The following VAMP1 variants were observed in gnomAD, a reference collection of about 807,000 sequenced individuals.
The protein encoded by VAMP1 is vesicle-associated membrane protein 1.
In VAMP1, 16 loss-of-function variants were observed where a neutral mutation model predicts 19.1. The ratio of observed to expected loss-of-function variants is 0.84; its 90% CI spans 0.57 to 1.27. The LOEUF (loss-of-function observed/expected upper bound fraction) is 1.27, where lower values mean the gene tolerates loss of function less well. Among genes scored for constraint, VAMP1 ranks in the 50% most tolerant of loss-of-function variants. The probability of loss-of-function intolerance (pLI) is 0.00; values close to 1 mark genes in which losing one functional copy is unlikely to be tolerated. For missense variants in VAMP1, 109 were observed against 145.4 expected, an observed-to-expected ratio of 0.75 and a Z score of 1.29; for synonymous variants, 37 against 50.2, an observed-to-expected ratio of 0.74 and a Z score of 1.11.
intron 4 of VAMP1, 144 bp from the exon 5 acceptor site, chr12:6,464,630 C>T (rs1351657215): frequency 6.9e-7 from 1 of 1,456,030 alleles, no homozygotes; most frequent in Non-Finnish European, 9.0e-7. Flanking sequence ...CAACCCAAGC[C>T]AGTGACACAC....
Position 6,466,634 on chromosome 12 carries a change from G to A in VAMP1, c.3-283C>T, listed in dbSNP as rs1950031723. On this transcript the variant is annotated intron_variant, in intron 1 of 4. Transcript: ENST00000396308. ...TCTTGCTCCTTGGCAATCTGAAGTA[G>A]GGAGACAAACCATAGAGGCAAGAAG... 12 of 267,982 alleles carry A rather than the reference G, an allele frequency of 4.5e-5. No homozygotes were observed. In the South Asian group the frequency reaches 6.1e-4, roughly 14 times the overall value. The allele number at this position is 267,982 out of a possible 1,614,324, so 16.6% of individuals were successfully genotyped here.
Position 6,462,718 on chromosome 12 carries a change from TG to T in VAMP1, c.*1751del. On this transcript the variant is annotated 3_prime_UTR_variant, in exon 5 of 5. Coordinates refer to ENST00000396308, the MANE Select transcript of VAMP1 (RefSeq NM_014231.5). ...CAGGCTTGGGACACATCGAGGACAG[TG>T]GTGGTTCTTCTCCAGCGGTGACCCC... The T allele has an allele frequency of 8.9e-7, 1 of 1,121,978 alleles. No homozygotes were observed. Among genetic ancestry groups the T allele is most frequent in the Non-Finnish European group, 1.3e-6 (1 of 790,082 alleles). The allele number at this position is 1,121,978 out of a possible 1,614,324, so 69.5% of individuals were successfully genotyped here.
At chr12:6,465,259 A>AT in intron 3 of VAMP1, 2 of 443,928 alleles carry the variant, frequency 4.5e-6, no homozygotes, top group Non-Finnish European at 8.8e-6. Flanking sequence ...AATTAGTTCA[A>AT]TTTTCACTGT....
At chr12:6,468,686 C>T (rs1945692712) in intron 1 of VAMP1, among the ~76,000 whole-genome samples, 1 of 152,206 alleles carries the variant, frequency 6.6e-6, no homozygotes, top group African/African-American at 2.4e-5. Flanking sequence ...TTCTCTCATT[C>T]TGTACCACTC....
Position 6,462,521 on chromosome 12 carries a change from AG to A in VAMP1, c.*1948del. 1 of 504,480 alleles carries A rather than the reference AG, an allele frequency of 2.0e-6. No individual in the cohort carries two copies. Among genetic ancestry groups the A allele is most frequent in the Non-Finnish European group, 3.5e-6 (1 of 284,772 alleles). The allele number at this position is 504,480 out of a possible 1,614,324, so 31.3% of individuals were successfully genotyped here. ...TCATGCACATGGGTGGTGGGAGGAA[AG>A]GGGGATAGCAGAGACACACAGAAGA... On this transcript the variant is annotated 3_prime_UTR_variant, in exon 5 of 5. Coordinates refer to ENST00000396308, the MANE Select transcript of VAMP1 (RefSeq NM_014231.5).
intron 2 of VAMP1, 44 bp from the exon 3 acceptor site, chr12:6,466,044 G>A (rs1341834903): frequency 1.4e-5 from 23 of 1,613,130 alleles, no homozygotes; most frequent in Non-Finnish European, 1.9e-5. Flanking sequence ...TCCTGCCAGA[G>A]ACAGAGGAAA....
At chr12:6,466,197 A>C (rs777205909) in intron 2 of VAMP1, 28 bp downstream of exon 2, 1 of 1,613,892 alleles carries the variant, frequency 6.2e-7, no homozygotes, top group South Asian at 1.1e-5. Context: ...AGATTTGGAA[A>C]CTTTCAGAGA....
chr12:6,462,391 C>T lies in VAMP1; in HGVS notation c.*2079G>A, dbSNP rs1949896927. ...AAAAAGACAAAGAGGTGATGACAGA[C>T]ACACAGTGGAAACCCCACATCGTCT... On this transcript the variant is annotated 3_prime_UTR_variant, in exon 5 of 5. Coordinates refer to ENST00000396308, the MANE Select transcript of VAMP1 (RefSeq NM_014231.5). 1 of 499,294 alleles carries T rather than the reference C, an allele frequency of 2.0e-6. No individual in the cohort carries two copies. Among genetic ancestry groups the T allele is most frequent in the Non-Finnish European group, 3.6e-6 (1 of 280,748 alleles). 30.9% of individuals were successfully genotyped at this position (499,294 alleles called of 1,614,324 possible). A position where few individuals can be genotyped will look rare whatever the true frequency, so the allele number is the denominator to read the frequency against.
In VAMP1 at chr12:6,463,914, T is replaced by G; in HGVS notation, c.*556A>C. On this transcript the variant is annotated 3_prime_UTR_variant, in exon 5 of 5. Coordinates refer to ENST00000396308, the MANE Select transcript of VAMP1 (RefSeq NM_014231.5). The surrounding 1 kb of genome is among the most constrained non-coding windows in gnomAD (Gnocchi z 4.0). The stretch of plus-strand genomic sequence containing the variant: ...TTAGAAATAACTACAAAAAACAAGT[T>G]TTTACTTTCGAAAAGGGTACTGCAC... 1 of 1,287,266 alleles carries G rather than the reference T, an allele frequency of 7.8e-7. No individual in the cohort carries two copies. The highest frequency in any genetic ancestry group is 1.0e-6 in the Non-Finnish European group (1 of 988,178). 79.7% of individuals were successfully genotyped at this position (1,287,266 alleles called of 1,614,324 possible).
rs750413737 is a variant in VAMP1, at chr12:6,470,555, T to G, written c.-24A>C. ...ATTTTTCTGACAGAGAGAGTGAGGG[T>G]CTGTTCCTCTCCGGAGGCTGCGGCG... On this transcript the variant is annotated 5_prime_UTR_variant, in exon 1 of 5. Coordinates refer to ENST00000396308, the MANE Select transcript of VAMP1 (RefSeq NM_014231.5). 6 of 1,613,648 alleles carry G rather than the reference T, an allele frequency of 3.7e-6. No individual in the cohort carries two copies. The highest frequency in any genetic ancestry group is 5.1e-6 in the Non-Finnish European group (6 of 1,179,796).
In VAMP1 at chr12:6,466,291, G is replaced by A. The variant is rs1175485440; in HGVS notation, c.63C>T (p.Pro21=). 1 of 1,614,054 alleles carries A rather than the reference G, an allele frequency of 6.2e-7. No homozygotes were observed. The highest frequency in any genetic ancestry group is 1.3e-5 in the African/African-American group (1 of 74,938). The change falls in exon 2 of 5, where the codon CCC becomes CCT. Residue 21 remains proline, a synonymous_variant. Coordinates refer to ENST00000396308, the MANE Select transcript of VAMP1 (RefSeq NM_014231.5). Reference sequence around the variant, plus strand: ...TGGTCATGTTAGGAGGAGGGCCAGGGGGACCCCCACCTGGGGCAGTCCCTT... The same window carrying A: ...TGGTCATGTTAGGAGGAGGGCCAGGAGGACCCCCACCTGGGGCAGTCCCTT... ...GTEGTAPGGG[P]PGPPPNMTSN...
At chr12:6,465,325 C>A in intron 3 of VAMP1, 1 of 321,818 alleles carries the variant, frequency 3.1e-6, no homozygotes, top group Non-Finnish European at 5.9e-6. Flanking sequence ...ATATTTCAAT[C>A]TGAGAAAGCT....
At position 6,470,617 on chromosome 12, in the gene VAMP1, G is replaced by C. The variant is rs1945750515; in HGVS notation, c.-86C>G. The stretch of plus-strand genomic sequence containing the variant: ...GAGGGACGCTGCGGCTGAAGTGGAC[G>C]GAACTGCCAAGCTCCGCCTCGCGCC... On this transcript the variant is annotated 5_prime_UTR_variant, in exon 1 of 5. Coordinates refer to ENST00000396308, the MANE Select transcript of VAMP1 (RefSeq NM_014231.5). 2 of 1,571,844 alleles carry C rather than the reference G, an allele frequency of 1.3e-6. No individual in the cohort carries two copies. Among genetic ancestry groups the C allele is most frequent in the Non-Finnish European group, 8.7e-7 (1 of 1,145,636 alleles).
chr12:6,468,370 A>G (rs1945682298), intron 1 of VAMP1, among the ~76,000 whole-genome samples: 1 of 152,232 alleles, frequency 6.6e-6, no homozygotes, highest in African/African-American at 2.4e-5. Context: ...GGCAGCTTGG[A>G]AAATCACCAA....
At position 6,462,863 on chromosome 12, in the gene VAMP1, T is replaced by C; in HGVS notation, c.*1607A>G. ...CCGCCCTTGGGCAGGACGAAGGGAA[T>C]GTGGGAAACAAGGGCGAAAGGAAAG... On this transcript the variant is annotated 3_prime_UTR_variant, in exon 5 of 5. Transcript: ENST00000396308. 1 of 1,605,234 alleles carries C rather than the reference T, an allele frequency of 6.2e-7. No homozygotes were observed. Among genetic ancestry groups the C allele is most frequent in the Non-Finnish European group, 8.5e-7 (1 of 1,175,728 alleles).
intron 1 of VAMP1, among the ~76,000 whole-genome samples, chr12:6,469,861 C>CAACT (rs1292227581): frequency 6.6e-6 from 1 of 152,136 alleles, no homozygotes; most frequent in Non-Finnish European, 1.5e-5. Flanking sequence ...ATTTCTCCTC[C>CAACT]AACTATTTGG....
chr12:6,462,305 C>T lies in VAMP1; in HGVS notation c.*2165G>A. On this transcript the variant is annotated 3_prime_UTR_variant, in exon 5 of 5. Coordinates refer to ENST00000396308, the MANE Select transcript of VAMP1 (RefSeq NM_014231.5). ...ATGACATTGGTAAATATGCCACATG[C>T]CTTTGGTGGAAGTACAACTGTTGTT... 1.7e-6 allele frequency: 1 copy of T among 605,654 alleles called. No individual in the cohort carries two copies. The highest frequency in any genetic ancestry group is 2.9e-6 in the Non-Finnish European group (1 of 344,734). 37.5% of individuals were successfully genotyped at this position (605,654 alleles called of 1,614,324 possible).
chr12:6,467,410 GA>G (rs1945656438), intron 1 of VAMP1, among the ~76,000 whole-genome samples: 1 of 152,192 alleles, frequency 6.6e-6, no homozygotes, highest in African/African-American at 2.4e-5. Flanking sequence ...CTCAGATGGA[GA>G]TGAGGAACTT....
At chr12:6,470,439 T>A in intron 1 of VAMP1, 91 bp downstream of exon 1, 1 of 1,585,062 alleles carries the variant, frequency 6.3e-7, no homozygotes, top group Non-Finnish European at 8.6e-7. Flanking sequence ...CTGCAGCTGC[T>A]GCATTGCGCC....
Sources: allele counts gnomAD v4.1 joint callset (sites outside exome capture counted in the v4.1 genomes callset), GRCh38; gene constraint gnomAD v4.1.1; non-coding constraint Gnocchi (gnomAD v3.1); transcripts MANE v1.5; gene names NCBI Gene and HGNC (gene_info 2026-07-23, HGNC 2026-07-21).